TRPC6: variants seen among roughly 807,000 people sequenced by gnomAD.
TRPC6 encodes transient receptor potential cation channel subfamily C member 6.
In TRPC6, 55 loss-of-function variants were observed where a neutral mutation model predicts 90.7. The observed-to-expected ratio is 0.61, with a 90% CI of 0.49 to 0.76. The LOEUF (loss-of-function observed/expected upper bound fraction) is 0.76, where lower values mean the gene tolerates loss of function less well. TRPC6 is among the 30% of genes least tolerant of loss of function. The probability of loss-of-function intolerance (pLI) is 0.00; values close to 1 mark genes in which losing one functional copy is unlikely to be tolerated. For synonymous variants in TRPC6, 393 were observed against 393.0 expected, an observed-to-expected ratio of 1.00 and a Z score of 0.00; for missense variants, 989 against 1,122.7, an observed-to-expected ratio of 0.88 and a Z score of 1.70.
At chr11:101,453,500 A>C in intron 12 of TRPC6, 150 bp downstream of exon 12, 2 of 792,350 alleles carry the variant, frequency 2.5e-6, no homozygotes, top group Non-Finnish European at 4.3e-6. Flanking sequence ...CCCACTCTTT[A>C]ACAGAACGGC....
intron 1 of TRPC6, among the ~76,000 whole-genome samples, chr11:101,549,886 A>G (rs919933507): frequency 6.6e-6 from 1 of 151,598 alleles, no homozygotes; most frequent in Non-Finnish European, 1.5e-5. Flanking sequence ...GAATAGACAA[A>G]TAAGTGCAAA....
chr11:101,489,219 A>G, intron 3 of TRPC6, 118 bp from the exon 4 acceptor site: 1 of 963,378 alleles, frequency 1.0e-6, no homozygotes. Context: ...GAATTAAAGA[A>G]CAAACATAAA....
chr11:101,549,322 T>C (rs543707076), intron 1 of TRPC6, among the ~76,000 whole-genome samples: 2 of 151,918 alleles, frequency 1.3e-5, no homozygotes, highest in African/African-American at 4.8e-5. Context: ...GTGAGGATGG[T>C]CAGCTATATG....
At chr11:101,454,223 C>A (rs1858832344) in intron 11 of TRPC6, among the ~76,000 whole-genome samples, 1 of 152,084 alleles carries the variant, frequency 6.6e-6, no homozygotes, top group Admixed American at 6.6e-5. Context: ...TTCTATCATG[C>A]AAACATTGCT....
At chr11:101,583,100 A>T in intron 1 of TRPC6, 1 of 918,420 alleles carries the variant, frequency 1.1e-6, no homozygotes, top group South Asian at 5.0e-5. Flanking sequence ...GTGGGCAAAC[A>T]TATCCATGCG....
chr11:101,572,957 T>C (rs1027148835), intron 1 of TRPC6, among the ~76,000 whole-genome samples: 3 of 151,904 alleles, frequency 2.0e-5, no homozygotes, highest in Non-Finnish European at 2.9e-5. Flanking sequence ...TGTATACCTA[T>C]GTAACAAACC....
chr11:101,483,282 G>C (rs897219541), intron 4 of TRPC6, 117 bp from the exon 5 acceptor site: 13 of 1,211,968 alleles, frequency 1.1e-5, no homozygotes, highest in Non-Finnish European at 1.5e-5. Flanking sequence ...TGAGATAATT[G>C]TTTATATTTA....
intron 1 of TRPC6, among the ~76,000 whole-genome samples, chr11:101,542,663 G>C (rs1175809317): frequency 6.7e-6 from 1 of 149,506 alleles, no homozygotes; most frequent in Non-Finnish European, 1.5e-5. Context: ...TAAAAAATAA[G>C]CATAATTTGC....
intron 3 of TRPC6, among the ~76,000 whole-genome samples, chr11:101,490,467 A>G (rs1202877577): frequency 6.6e-6 from 1 of 152,046 alleles, no homozygotes; most frequent in Admixed American, 6.6e-5. Context: ...CCATCTATCT[A>G]TTTATTTTGA....
intron 2 of TRPC6, among the ~76,000 whole-genome samples, chr11:101,502,108 G>A (rs1329368893): frequency 6.6e-6 from 1 of 152,158 alleles, no homozygotes; most frequent in Non-Finnish European, 1.5e-5. Context: ...TCACACTGAT[G>A]ACAGCAGAAA....
At position 101,527,869 on chromosome 11, in the gene TRPC6, A is replaced by G. The variant is rs552284488; in HGVS notation, c.171-23071T>C. Reference sequence around the variant, plus strand: ...TGGGCGAATCATGAGGTCAGGAGTTAGAGACCAGCCTGGCCAACATGGTGT... The same window carrying G: ...TGGGCGAATCATGAGGTCAGGAGTTGGAGACCAGCCTGGCCAACATGGTGT... On this transcript the variant is annotated intron_variant, in intron 1 of 12. Coordinates refer to ENST00000344327, the MANE Select transcript of TRPC6 (RefSeq NM_004621.6). Among the ~76,000 whole-genome samples, 27 of 152,144 alleles carry G rather than the reference A, an allele frequency of 1.8e-4. No homozygotes were observed. In the South Asian group the frequency reaches 5.2e-3, roughly 29 times the overall value.
chr11:101,524,846 TTTCCTACAGTG>T (rs1860741757), intron 1 of TRPC6, among the ~76,000 whole-genome samples: 2 of 152,364 alleles, frequency 1.3e-5, no homozygotes, highest in African/African-American at 4.8e-5. Context: ...ATTTTATGAA[TTTCCTACAGTG>T]TGCCTGCAAT....
At chr11:101,455,337 T>TGGC (rs1858859227) in intron 10 of TRPC6, 1 of 442,538 alleles carries the variant, frequency 2.3e-6, no homozygotes, top group African/African-American at 2.0e-5. Context: ...TTAGACTTTG[T>TGGC]GGCTGCCAAT....
Position 101,531,942 on chromosome 11 carries a change from A to G in TRPC6, c.171-27144T>C, listed in dbSNP as rs550629367. On this transcript the variant is annotated intron_variant, in intron 1 of 12. Transcript: ENST00000344327. ...TAGCCATAGCAGAGATTGCTGGTTAAGGAGACTTGGGAAGGTGTCGGCTCA... is the reference window on the plus strand; with the variant it reads ...TAGCCATAGCAGAGATTGCTGGTTAGGGAGACTTGGGAAGGTGTCGGCTCA... Among the ~76,000 whole-genome samples, 57 of 152,276 alleles carry G rather than the reference A, an allele frequency of 3.7e-4. 1 individual carries two copies. Among genetic ancestry groups the G allele is most frequent in the African/African-American group, 1.3e-3 (55 of 41,564 alleles).
At chr11:101,523,647 G>A (rs1344462232) in intron 1 of TRPC6, among the ~76,000 whole-genome samples, 1 of 152,130 alleles carries the variant, frequency 6.6e-6, no homozygotes, top group Non-Finnish European at 1.5e-5. Context: ...AGTTTAGACA[G>A]GAGTTCATTT....
At chr11:101,524,545 G>A (rs1236953295) in intron 1 of TRPC6, among the ~76,000 whole-genome samples, 1 of 152,198 alleles carries the variant, frequency 6.6e-6, no homozygotes, top group Non-Finnish European at 1.5e-5. Flanking sequence ...CCCGGCCCAG[G>A]CCATTTTTAT....
intron 1 of TRPC6, among the ~76,000 whole-genome samples, chr11:101,564,622 C>T (rs889236657): frequency 6.6e-5 from 10 of 151,848 alleles, no homozygotes; most frequent in Admixed American, 3.3e-4. Flanking sequence ...TTGGAAAAAT[C>T]GATATTGTTA....
chr11:101,554,989 T>C (rs930123751), intron 1 of TRPC6, among the ~76,000 whole-genome samples: 1 of 152,144 alleles, frequency 6.6e-6, no homozygotes, highest in Non-Finnish European at 1.5e-5. Flanking sequence ...TTAAAGTTGT[T>C]CTGGGTTCCA....
chr11:101,575,069 T>A (rs1006694602), intron 1 of TRPC6, among the ~76,000 whole-genome samples: 2 of 152,168 alleles, frequency 1.3e-5, no homozygotes, highest in Non-Finnish European at 1.5e-5. Context: ...CAACTTATAT[T>A]TTTAGACGAA....
Sources: allele counts gnomAD v4.1 joint callset (sites outside exome capture counted in the v4.1 genomes callset), GRCh38; gene constraint gnomAD v4.1.1; transcripts MANE v1.5; gene names NCBI Gene and HGNC (gene_info 2026-07-23, HGNC 2026-07-21).